NRCAM: variants seen among roughly 807,000 people sequenced by gnomAD.
The protein encoded by NRCAM is NgCAM-related cell adhesion molecule.
Under a neutral mutation model 156.5 loss-of-function variants are expected in NRCAM, and 83 were observed. That is an observed-to-expected ratio of 0.53 (90% CI 0.44 to 0.64). NRCAM has a LOEUF of 0.64. Among genes scored for constraint, NRCAM ranks in the 30% least tolerant of loss-of-function variants. The probability of loss-of-function intolerance (pLI) is 0.00; values close to 1 mark genes in which losing one functional copy is unlikely to be tolerated. For synonymous variants in NRCAM, 538 were observed against 563.9 expected, an observed-to-expected ratio of 0.95 and a Z score of 0.65; for missense variants, 1,417 against 1,597.3, an observed-to-expected ratio of 0.89 and a Z score of 1.92.
Position 108,184,590 on chromosome 7 carries a change from G to A in NRCAM, c.2060C>T (p.Ala687Val). The A allele has an allele frequency of 6.2e-7, 1 of 1,613,230 alleles. No individual in the cohort carries two copies. The highest frequency in any genetic ancestry group is 8.5e-7 in the Non-Finnish European group (1 of 1,179,940). ...ITKFIIEYEDAMHKPGLWHHQ... is the reference protein window; with the variant it reads ...ITKFIIEYEDVMHKPGLWHHQ... The stretch of plus-strand genomic sequence containing the variant: ...GTGCCACAGCCCTGGCTTGTGCATT[G>A]CATCTTCATATTCGATGATGAATTC... Residue 687 changes from alanine to valine, a missense_variant, in exon 21 of 33, where the codon GCA (alanine) becomes GTA (valine). Around this residue, in one of 2 missense-constraint regions of NRCAM, gnomAD observed 1,238 missense variants for 1,336.4 expected, o/e 0.93. Coordinates refer to ENST00000379028, the MANE Select transcript of NRCAM (RefSeq NM_001037132.4).
intron 20 of NRCAM, 143 bp from the exon 21 acceptor site, chr7:108,184,757 A>G: frequency 1.6e-6 from 1 of 643,834 alleles, no homozygotes; most frequent in Non-Finnish European, 2.6e-6. Context: ...CCATTAAAAT[A>G]TTTTGATTTC....
rs146880253 is a variant in NRCAM, at chr7:108,286,821, C to T, written c.-107+25844G>A. On this transcript the variant is annotated intron_variant, in intron 3 of 32. Transcript: ENST00000379028. ...ACTTTAATGTCCGTAGAATCAGATA[C>T]GATATTTTTATTATGTTTAGGCACA... Among the ~76,000 whole-genome samples, 1,331 of 152,200 alleles carry T rather than the reference C, an allele frequency of 8.7e-3. 21 individuals carry two copies. The highest frequency in any genetic ancestry group is 0.03 in the African/African-American group (1,258 of 41,522).
intron 19 of NRCAM, among the ~76,000 whole-genome samples, chr7:108,190,889 T>C (rs1415722683): frequency 2.1e-5 from 2 of 94,896 alleles, no homozygotes; most frequent in East Asian, 1.1e-3. Flanking sequence ...GATGAAAGCC[T>C]AATTTGTAGA....
At position 108,184,310 on chromosome 7, in the gene NRCAM, T is replaced by G. The variant is rs998254734; in HGVS notation, c.2235A>C (p.Glu745Asp). ...CCACAGCTGTGGGGTTTTTATCTGG[T>G]TCTGGAAGTTAAGCAGCCACACATG... Reference protein sequence around the residue: ...ASEQYLTKASEPDKNPTAVEG... With the variant: ...ASEQYLTKASDPDKNPTAVEG... Residue 745 changes from glutamate (E) to aspartate (D), a missense_variant and splice_region_variant, in exon 22 of 33, where the codon GAA (glutamate) becomes GAC (aspartate). Around this residue, in one of 2 missense-constraint regions of NRCAM, gnomAD observed 1,238 missense variants for 1,336.4 expected, o/e 0.93. Coordinates refer to ENST00000379028, the MANE Select transcript of NRCAM (RefSeq NM_001037132.4). 6.2e-7 allele frequency: 1 copy of G among 1,614,140 alleles called. No individual in the cohort carries two copies. Among genetic ancestry groups the G allele is most frequent in the Non-Finnish European group, 8.5e-7 (1 of 1,180,024 alleles).
chr7:108,270,745 A>C (rs529623354), intron 3 of NRCAM, among the ~76,000 whole-genome samples: 15 of 152,376 alleles, frequency 9.8e-5, no homozygotes, highest in Middle Eastern at 3.4e-3. Context: ...TACTGAGGAC[A>C]TTACGCCAAG....
At chr7:108,239,867 G>A in intron 4 of NRCAM, 92 bp downstream of exon 4, 1 of 757,636 alleles carries the variant, frequency 1.3e-6, no homozygotes, top group Non-Finnish European at 2.2e-6. Flanking sequence ...GTATCACACA[G>A]ACACCTTCTC....
chr7:108,368,987 C>G (rs1432492008), intron 2 of NRCAM, among the ~76,000 whole-genome samples: 1 of 152,092 alleles, frequency 6.6e-6, no homozygotes. Flanking sequence ...ATGACTTGAG[C>G]TGATTTTAAA....
chr7:108,322,159 T>C (rs975394747), intron 2 of NRCAM, among the ~76,000 whole-genome samples: 5 of 152,246 alleles, frequency 3.3e-5, no homozygotes, highest in Admixed American at 2.6e-4. Context: ...ATTTCGTTTT[T>C]TTTCAAAGCT....
intron 1 of NRCAM, among the ~76,000 whole-genome samples, chr7:108,449,248 C>T (rs1459963831): frequency 6.6e-6 from 1 of 152,224 alleles, no homozygotes; most frequent in Non-Finnish European, 1.5e-5. Flanking sequence ...TAAGCTTCCA[C>T]AGATTCACAA....
intron 3 of NRCAM, among the ~76,000 whole-genome samples, chr7:108,283,660 T>C (rs2097947696): frequency 6.6e-6 from 1 of 152,192 alleles, no homozygotes; most frequent in Non-Finnish European, 1.5e-5. Context: ...TTATCTACCG[T>C]GGTCTCACTT....
intron 2 of NRCAM, among the ~76,000 whole-genome samples, chr7:108,337,307 C>T (rs2099207614): frequency 6.6e-6 from 1 of 151,964 alleles, no homozygotes; most frequent in African/African-American, 2.4e-5. Flanking sequence ...TGGGTCCCCT[C>T]CCTTTGTATA....
In NRCAM at chr7:108,177,624, AATATAT is replaced by A. The variant is rs59391934; in HGVS notation, c.2974+360_2974+365del. Among the ~76,000 whole-genome samples the A allele has an allele frequency of 9.4e-3, 756 of 80,388 alleles. 10 individuals carry two copies. Among genetic ancestry groups the A allele is most frequent in the African/African-American group, 0.024 (690 of 28,520 alleles). The allele number at this position is 80,388 out of a possible 152,430, so 52.7% of individuals were successfully genotyped here. A position where few individuals can be genotyped will look rare whatever the true frequency, so the allele number is the denominator to read the frequency against. ...GGTGACAGAGCGAGACTCCATCTCA[AATATAT>A]ATATATATATATATATATATATATA... On this transcript the variant is annotated intron_variant, in intron 26 of 32. Coordinates refer to ENST00000379028, the MANE Select transcript of NRCAM (RefSeq NM_001037132.4).
At chr7:108,455,955 G>A (rs968695976) in intron 1 of NRCAM, among the ~76,000 whole-genome samples, 2 of 152,222 alleles carry the variant, frequency 1.3e-5, no homozygotes, top group African/African-American at 4.8e-5. Context: ...ACAGGCTGGA[G>A]GGGGTGGTGG....
At chr7:108,375,651 C>T (rs2099672032) in intron 2 of NRCAM, among the ~76,000 whole-genome samples, 1 of 152,196 alleles carries the variant, frequency 6.6e-6, no homozygotes, top group South Asian at 2.1e-4. Context: ...ACTAATCAAG[C>T]TATAGCTCAT....
chr7:108,193,021 T>C (rs927865647), intron 17 of NRCAM, among the ~76,000 whole-genome samples: 6 of 152,194 alleles, frequency 3.9e-5, no homozygotes, highest in Non-Finnish European at 5.9e-5. Flanking sequence ...GTCATTTCTT[T>C]ATGTTTCCTT....
At chr7:108,190,352 T>C (rs2070458843) in intron 19 of NRCAM, among the ~76,000 whole-genome samples, 2 of 152,220 alleles carry the variant, frequency 1.3e-5, no homozygotes, top group Non-Finnish European at 2.9e-5. Context: ...CCTAGAAGCA[T>C]GTCTGCCTCT....
intron 5 of NRCAM, among the ~76,000 whole-genome samples, chr7:108,235,323 A>C (rs2094829559): frequency 6.6e-6 from 1 of 152,130 alleles, no homozygotes; most frequent in African/African-American, 2.4e-5. Context: ...TCAAAGTGTT[A>C]TCTGATCTTT....
intron 2 of NRCAM, among the ~76,000 whole-genome samples, chr7:108,335,433 G>GC (rs2099169546): frequency 6.4e-5 from 4 of 62,702 alleles, no homozygotes; most frequent in East Asian, 1.9e-3. Context: ...TGTTCCACCT[G>GC]CTTTTTTTTT....
At chr7:108,150,568 A>T in intron 32 of NRCAM, 1 of 444,614 alleles carries the variant, frequency 2.2e-6, no homozygotes, top group Non-Finnish European at 4.5e-6. Flanking sequence ...TTGGTTGTGA[A>T]TGGAGCATGA....
Sources: allele counts gnomAD v4.1 joint callset (sites outside exome capture counted in the v4.1 genomes callset), GRCh38; gene constraint gnomAD v4.1.1; regional missense constraint gnomAD v4.1.1; transcripts MANE v1.5; gene names NCBI Gene and HGNC (gene_info 2026-07-23, HGNC 2026-07-21).